CLCA2: variants seen among roughly 807,000 people sequenced by gnomAD.
CLCA2 encodes the protein chloride channel accessory 2, also known as calcium-activated chloride channel regulator 2.
A neutral mutation model predicts 82.9 loss-of-function variants in CLCA2; 85 were observed. That is an observed-to-expected ratio of 1.03 (90% CI 0.86 to 1.23). The LOEUF (loss-of-function observed/expected upper bound fraction) is 1.23, where lower values mean the gene tolerates loss of function less well. CLCA2 is among the 50% of genes most tolerant of loss of function. The pLI, the probability that CLCA2 is intolerant of heterozygous loss-of-function variation, is 0.00. For synonymous variants in CLCA2, 421 were observed against 391.7 expected (o/e 1.07, Z -0.88); for missense variants, 1,089 against 1,124.8 (o/e 0.97, Z 0.45).
At chr1:86,441,134 T>C (rs979936820) in intron 8 of CLCA2, among the ~76,000 whole-genome samples, 1 of 152,216 alleles carries the variant, frequency 6.6e-6, no homozygotes, top group Non-Finnish European at 1.5e-5. Flanking sequence ...GCAATTAACC[T>C]AAATTATCTT....
chr1:86,432,591 T>C, intron 5 of CLCA2, 63 bp downstream of exon 5: 1 of 1,542,398 alleles, frequency 6.5e-7, no homozygotes, highest in Non-Finnish European at 8.8e-7. Context: ...GTTTCAAGTA[T>C]TTAAATTATA....
chr1:86,434,645 T>C lies in CLCA2; in HGVS notation c.872T>C (p.Met291Thr), dbSNP rs1662565017. 2.5e-6 allele frequency: 4 copies of C among 1,613,988 alleles called. No homozygotes were observed. Among genetic ancestry groups the C allele is most frequent in the South Asian group, 2.2e-5 (2 of 91,086 alleles). ...DSADFHHSFP[M>T]NGTELPPPPT... ...GCTGACTTTCACCACAGCTTTCCCA[T>C]GAATGGGACTGAGCTTCCACCTCCT... The change falls in exon 6 of 14, where the codon ATG (methionine) becomes ACG (threonine). Residue 291 changes from methionine (M) to threonine (T), a missense_variant. Coordinates refer to ENST00000370565, the MANE Select transcript of CLCA2 (RefSeq NM_006536.7).
chr1:86,425,167 GT>G (rs1000696880), intron 1 of CLCA2, among the ~76,000 whole-genome samples, 171 bp from the exon 2 acceptor site: 3 of 152,092 alleles, frequency 2.0e-5, no homozygotes, highest in Non-Finnish European at 4.4e-5. Flanking sequence ...ATCATTTAAA[GT>G]TTTTTTAAAA....
At chr1:86,431,024 T>A in intron 4 of CLCA2, 54 bp downstream of exon 4, 1 of 1,267,134 alleles carries the variant, frequency 7.9e-7, no homozygotes, top group Admixed American at 2.0e-5. Context: ...CTAAAATTGC[T>A]TATAACTTAA....
At chr1:86,454,497 A>G (rs1663032575) in intron 13 of CLCA2, among the ~76,000 whole-genome samples, 1 of 152,208 alleles carries the variant, frequency 6.6e-6, no homozygotes, top group Non-Finnish European at 1.5e-5. Context: ...ATTTTAAATA[A>G]AATCACATAA....
chr1:86,431,599 C>G (rs1662499848), intron 4 of CLCA2, among the ~76,000 whole-genome samples: 4 of 152,192 alleles, frequency 2.6e-5, no homozygotes, highest in African/African-American at 7.2e-5. Flanking sequence ...GTTTTACATT[C>G]CTATCAACAA....
intron 11 of CLCA2, 39 bp from the exon 12 acceptor site, chr1:86,450,524 T>A: frequency 6.7e-7 from 1 of 1,499,552 alleles, no homozygotes. Flanking sequence ...TAATCTACTA[T>A]AATAACAAGT....
At chr1:86,436,804 C>A (rs1022815238) in intron 6 of CLCA2, among the ~76,000 whole-genome samples, 1 of 152,142 alleles carries the variant, frequency 6.6e-6, no homozygotes, top group Non-Finnish European at 1.5e-5. Context: ...ACCTCCAACT[C>A]CCAGGTTCAA....
chr1:86,440,371 C>T (rs1456290849), intron 8 of CLCA2, 46 bp downstream of exon 8: 3 of 1,535,602 alleles, frequency 2.0e-6, no homozygotes, highest in East Asian at 2.3e-5. Context: ...GTCCCTTTAA[C>T]TTGACTATCC....
At chr1:86,452,933 G>A (rs777802459) in intron 12 of CLCA2, among the ~76,000 whole-genome samples, 5 of 152,148 alleles carry the variant, frequency 3.3e-5, no homozygotes, top group Non-Finnish European at 7.3e-5. Context: ...CTAGCACTTT[G>A]GGAGACAAAG....
chr1:86,455,114 AG>A lies in CLCA2; in HGVS notation c.2420del (p.Ser807IlefsTer14). ...ATSYEIRMSK[S>X]LQNIQDDFNN... ...AAGCTATGAAATAAGAATGAGTAAA[AG>A]TCTACAGAATATCCAAGATGACTTT... On this transcript the variant is annotated frameshift_variant, in exon 14 of 14. Coordinates refer to ENST00000370565, the MANE Select transcript of CLCA2 (RefSeq NM_006536.7). LOFTEE classifies it low-confidence loss of function (END_TRUNC). The A allele has an allele frequency of 6.3e-7, 1 of 1,583,550 alleles. No homozygotes were observed. Among genetic ancestry groups the A allele is most frequent in the Non-Finnish European group, 8.6e-7 (1 of 1,163,552 alleles).
At chr1:86,444,113 T>C in intron 10 of CLCA2, 102 bp downstream of exon 10, 1 of 772,708 alleles carries the variant, frequency 1.3e-6, no homozygotes, top group Middle Eastern at 3.8e-4. Context: ...AATCTTGTTT[T>C]AATATATCAA....
intron 13 of CLCA2, among the ~76,000 whole-genome samples, chr1:86,454,717 G>A (rs534753406): frequency 1.5e-4 from 23 of 152,200 alleles, no homozygotes; most frequent in African/African-American, 4.6e-4. Context: ...GCTTGAACCC[G>A]TAAGTCATAG....
At position 86,455,837 on chromosome 1, in the gene CLCA2, C is replaced by A. The variant is rs1663066362; in HGVS notation, c.*310C>A. 6.0e-6 allele frequency: 1 copy of A among 166,748 alleles called. No homozygotes were observed. The highest frequency in any genetic ancestry group is 1.6e-4 in the East Asian group (1 of 6,104). The allele number at this position is 166,748 out of a possible 1,614,324, so 10.3% of individuals were successfully genotyped here. ...TTTTATTGAGGTGGAAAAATAGCCCCAAGCAGAGAAAAGGAGGGTAGGTCT... is the reference window on the plus strand; with the variant it reads ...TTTTATTGAGGTGGAAAAATAGCCCAAAGCAGAGAAAAGGAGGGTAGGTCT... On this transcript the variant is annotated 3_prime_UTR_variant, in exon 14 of 14. Transcript: ENST00000370565.
intron 3 of CLCA2, among the ~76,000 whole-genome samples, 197 bp from the exon 4 acceptor site, chr1:86,430,661 CTTTT>C (rs992267838): frequency 5.9e-4 from 89 of 152,136 alleles, no homozygotes; most frequent in African/African-American, 2.1e-3. Flanking sequence ...TTCATGCTGC[CTTTT>C]TTATGGTGGT....
At chr1:86,445,956 T>C (rs1023021649) in intron 10 of CLCA2, among the ~76,000 whole-genome samples, 1 of 151,972 alleles carries the variant, frequency 6.6e-6, no homozygotes, top group African/African-American at 2.4e-5. Context: ...AATTTTAAAA[T>C]ATGCAGAAAA....
chr1:86,430,111 A>C (rs1323745002), intron 3 of CLCA2, among the ~76,000 whole-genome samples: 1 of 151,854 alleles, frequency 6.6e-6, no homozygotes, highest in Non-Finnish European at 1.5e-5. Context: ...ATTCAGAAAA[A>C]AGAAATGTGT....
intron 4 of CLCA2, among the ~76,000 whole-genome samples, chr1:86,431,936 T>C (rs1379992193): frequency 6.6e-6 from 1 of 152,148 alleles, no homozygotes; most frequent in Non-Finnish European, 1.5e-5. Flanking sequence ...GTTTGTTTGT[T>C]TTTTTGTTTG....
chr1:86,432,018 T>C (rs1299443460), intron 4 of CLCA2, among the ~76,000 whole-genome samples: 43 of 152,082 alleles, frequency 2.8e-4, no homozygotes, highest in Non-Finnish European at 5.3e-4. Context: ...TCACTGAAAC[T>C]TCTGCCACCT....
Sources: gnomAD v4.1 joint callset for allele counts (sites outside exome capture counted in the v4.1 genomes callset) on GRCh38, gnomAD v4.1.1 for gene constraint, MANE v1.5 for transcripts, NCBI Gene and HGNC (gene_info 2026-07-23, HGNC 2026-07-21) for gene names.